The following ZDBF2 variants were observed in gnomAD, a reference collection of about 807,000 sequenced individuals.
ZDBF2 encodes the protein DBF4-type zinc finger-containing protein 2.
In ZDBF2, 6 loss-of-function variants were observed where a neutral mutation model predicts 9.4. The observed-to-expected ratio is 0.64, with a 90% CI of 0.35 to 1.27. The LOEUF is 1.27. Among genes scored for constraint, ZDBF2 ranks in the 50% most tolerant of loss-of-function variants. ZDBF2 has a pLI of 0.03. For synonymous variants in ZDBF2, 905 were observed against 946.3 expected (o/e 0.96, Z 0.80); for missense variants, 2,697 against 2,766.8 (o/e 0.97, Z 0.57).
rs1465585109 is a variant in ZDBF2 at position 206,306,683 on chromosome 2, C to A, written c.2155C>A (p.His719Asn). 1.2e-6 allele frequency: 2 copies of A among 1,613,806 alleles called. No individual in the cohort carries two copies. The highest frequency in any genetic ancestry group is 1.7e-6 in the Non-Finnish European group (2 of 1,179,792). ...TCCGGCTTCTCTTTATCATTCAGCT[C>A]ATGATGAGCCTCAAGAAGCTTTGGA... The part of the protein sequence containing the change: ...DSPASLYHSA[H>N]DEPQEALDEV... Residue 719 changes from histidine to asparagine, a missense_variant, in exon 5 of 5, where the codon CAT becomes AAT. This residue lies in a region of ZDBF2 where 910 missense variants were observed against 973.6 expected (regional missense o/e 0.93). Coordinates refer to ENST00000374423, the MANE Select transcript of ZDBF2 (RefSeq NM_020923.3).
Position 206,308,035 on chromosome 2 carries a change from G to T in ZDBF2, c.3507G>T (p.Gln1169His), listed in dbSNP as rs748749881. Reference sequence around the variant, plus strand: ...ATTTGGATTCTGGTTTCTTGGGTCAGTCAATAGTCAATCGACCTCAAATAA... The same window carrying T: ...ATTTGGATTCTGGTTTCTTGGGTCATTCAATAGTCAATCGACCTCAAATAA... Reference protein sequence around the residue: ...EMNLDSGFLGQSIVNRPQITI... With the variant: ...EMNLDSGFLGHSIVNRPQITI... Residue 1169 changes from glutamine to histidine, a missense_variant, in exon 5 of 5, where the codon CAG becomes CAT. Coordinates refer to ENST00000374423, the MANE Select transcript of ZDBF2 (RefSeq NM_020923.3). 3.1e-6 allele frequency: 5 copies of T among 1,613,944 alleles called. No homozygotes were observed. In the South Asian group the frequency reaches 5.5e-5, roughly 18 times the overall value.
intron 4 of ZDBF2, among the ~76,000 whole-genome samples, chr2:206,300,103 T>G (rs1041678396): frequency 1.3e-5 from 2 of 152,082 alleles, no homozygotes; most frequent in African/African-American, 4.8e-5. Context: ...GAGCGAAACT[T>G]GGTCTCAAAA....
In ZDBF2 at chr2:206,309,057, T is replaced by C; in HGVS notation, c.4529T>C (p.Val1510Ala). 1.2e-6 allele frequency: 2 copies of C among 1,613,908 alleles called. No homozygotes were observed. The highest frequency in any genetic ancestry group is 1.7e-6 in the Non-Finnish European group (2 of 1,179,870). ...YDSDVPFQIV[V>A]NQFPGSVKET... The stretch of plus-strand genomic sequence containing the variant: ...TCTGATGTTCCTTTTCAAATAGTAG[T>C]TAACCAATTTCCAGGATCAGTCAAA... The change falls in exon 5 of 5, where the codon GTT (valine) becomes GCT (alanine). Residue 1510 changes from valine to alanine, a missense_variant. Physicochemically the swap from Val to Ala is moderately conservative, Grantham distance 64. Coordinates refer to ENST00000374423, the MANE Select transcript of ZDBF2 (RefSeq NM_020923.3).
rs762725458 is a variant in ZDBF2 at position 206,311,505 on chromosome 2, A to G, written c.6977A>G (p.Tyr2326Cys). 2.5e-6 allele frequency: 4 copies of G among 1,587,076 alleles called. No homozygotes were observed. In the African/African-American group the frequency reaches 4.1e-5, roughly 16 times the overall value. Reference protein sequence around the residue: ...QKGPSTPVRAYDLRSSSCLQQ... With the variant: ...QKGPSTPVRACDLRSSSCLQQ... The stretch of plus-strand genomic sequence containing the variant: ...GGTCCTTCTACACCTGTGAGAGCAT[A>G]TGATCTGAGAAGCTCATCTTGTTTA... Residue 2326 changes from tyrosine to cysteine, a missense_variant, in exon 5 of 5, where the codon TAT (tyrosine) becomes TGT (cysteine). By Grantham distance (194) the Tyr-to-Cys change is radical. Around this residue, in one of 3 missense-constraint regions of ZDBF2, gnomAD observed 1,783 missense variants for 1,776.5 expected, o/e 1.00. Coordinates refer to ENST00000374423, the MANE Select transcript of ZDBF2 (RefSeq NM_020923.3).
chr2:206,288,382 T>C (rs1399072437), intron 3 of ZDBF2, among the ~76,000 whole-genome samples: 1 of 152,186 alleles, frequency 6.6e-6, no homozygotes, highest in East Asian at 1.9e-4. Context: ...CTGTAGAAGT[T>C]TGTGGCAGTG....
intron 1 of ZDBF2, among the ~76,000 whole-genome samples, chr2:206,277,961 C>G (rs959380950): frequency 5.9e-5 from 9 of 152,124 alleles, no homozygotes; most frequent in African/African-American, 2.2e-4. Flanking sequence ...ACTATGCAAT[C>G]ATTAAACATT....
intron 4 of ZDBF2, among the ~76,000 whole-genome samples, chr2:206,298,079 T>C (rs1489042735): frequency 6.6e-6 from 1 of 152,228 alleles, no homozygotes; most frequent in Non-Finnish European, 1.5e-5. Context: ...AATAGAACTC[T>C]TTGCTAATTC....
In ZDBF2 at chr2:206,310,730, G is replaced by GT. The variant is rs1261329326; in HGVS notation, c.6203dup (p.Ile2069AsnfsTer6). 1 of 1,613,732 alleles carries GT rather than the reference G, an allele frequency of 6.2e-7. No homozygotes were observed. The highest frequency in any genetic ancestry group is 8.5e-7 in the Non-Finnish European group (1 of 1,179,886). ...AATTGTAATTAGTCCTCCCCTGAGT[G>GT]TAATAGTACCAGAGTTTGAGAGGCG... On this transcript the variant is annotated frameshift_variant, in exon 5 of 5. Coordinates refer to ENST00000374423, the MANE Select transcript of ZDBF2 (RefSeq NM_020923.3). LOFTEE classifies it low-confidence loss of function (END_TRUNC).
At position 206,297,288 on chromosome 2, in the gene ZDBF2, A is replaced by G. The variant is rs1421071315; in HGVS notation, c.103A>G (p.Arg35Gly). The change falls in exon 4 of 5, where the codon AGA (arginine) becomes GGA (glycine). Residue 35 changes from arginine to glycine, a missense_variant. By Grantham distance (125) the Arg-to-Gly change is moderately radical. Coordinates refer to ENST00000374423, the MANE Select transcript of ZDBF2 (RefSeq NM_020923.3). The part of the protein sequence containing the change: ...AQHRSLTRQS[R>G]RQICTSSLME... ...GCACAGGAGTTTGACCAGACAGAGT[A>G]GACGTCAAATATGTACCAGTAGTTT... The G allele has an allele frequency of 1.9e-6, 3 of 1,576,322 alleles. No individual in the cohort carries two copies. Among genetic ancestry groups the G allele is most frequent in the African/African-American group, 1.3e-5 (1 of 74,132 alleles).
Position 206,306,350 on chromosome 2 carries a change from A to G in ZDBF2, c.1822A>G (p.Arg608Gly), listed in dbSNP as rs1291561285. 6.2e-7 allele frequency: 1 copy of G among 1,613,800 alleles called. No homozygotes were observed. The highest frequency in any genetic ancestry group is 8.5e-7 in the Non-Finnish European group (1 of 1,179,822). Residue 608 changes from arginine (R) to glycine (G), a missense_variant, in exon 5 of 5, where the codon AGA becomes GGA. Arg to Gly is a moderately radical substitution (Grantham distance 125). Transcript: ENST00000374423. The stretch of plus-strand genomic sequence containing the variant: ...TGTCAAAGGAAGAAACCTGAAAGGT[A>G]GACAAGTCCACCTAAAACATAAGAA... ...LTVKGRNLKG[R>G]QVHLKHKKRK...
intron 3 of ZDBF2, among the ~76,000 whole-genome samples, chr2:206,293,837 G>A (rs1692027093): frequency 6.6e-6 from 1 of 152,094 alleles, no homozygotes. Flanking sequence ...TGGTCGGTAG[G>A]GAGTACTAAA....
In ZDBF2 at chr2:206,308,938, A is replaced by T. The variant is rs768330818; in HGVS notation, c.4410A>T (p.Gln1470His). Residue 1470 changes from glutamine to histidine, a missense_variant, in exon 5 of 5, where the codon CAA becomes CAT. Gln to His is a conservative substitution (Grantham distance 24). This residue lies in a region of ZDBF2 where 1,783 missense variants were observed against 1,776.5 expected (regional missense o/e 1.00). Coordinates refer to ENST00000374423, the MANE Select transcript of ZDBF2 (RefSeq NM_020923.3). ...VHLQSEVDQP[Q>H]VSYKEADLQK... is the part of the protein sequence containing the mutation. Reference sequence around the variant, plus strand: ...TTCAGTCAGAAGTTGACCAACCTCAAGTGTCTTACAAAGAGGCAGACCTTC... The same window carrying T: ...TTCAGTCAGAAGTTGACCAACCTCATGTGTCTTACAAAGAGGCAGACCTTC... 6.2e-7 allele frequency: 1 copy of T among 1,613,484 alleles called. No homozygotes were observed.
chr2:206,314,032 T>C lies in ZDBF2; in HGVS notation c.*2439T>C, dbSNP rs1419413650. On this transcript the variant is annotated 3_prime_UTR_variant, in exon 5 of 5. Transcript: ENST00000374423. The stretch of plus-strand genomic sequence containing the variant: ...ATAAATGTTGGCTTAATTTGCAGAA[T>C]AGATAAAACAATTGATGTTTTTGTG... 1 of 152,182 alleles carries C rather than the reference T, an allele frequency of 6.6e-6. No homozygotes were observed. The highest frequency in any genetic ancestry group is 1.9e-4 in the East Asian group (1 of 5,198). 9.4% of individuals were successfully genotyped at this position (152,182 alleles called of 1,614,324 possible).
At chr2:206,289,026 C>A (rs1691747917) in intron 3 of ZDBF2, among the ~76,000 whole-genome samples, 2 of 152,142 alleles carry the variant, frequency 1.3e-5, no homozygotes. Flanking sequence ...GCAGCTCAGA[C>A]TCTAGGGGTC....
At chr2:206,282,899 G>A (rs777206913) in intron 3 of ZDBF2, among the ~76,000 whole-genome samples, 9 of 152,136 alleles carry the variant, frequency 5.9e-5, no homozygotes, top group Non-Finnish European at 8.8e-5. Context: ...CCTGGCAACC[G>A]CTAGTGTATT....
chr2:206,283,201 G>A (rs189897820), intron 3 of ZDBF2, among the ~76,000 whole-genome samples: 64 of 152,284 alleles, frequency 4.2e-4, no homozygotes, highest in African/African-American at 1.4e-3. Flanking sequence ...TTGTGTGGAC[G>A]TATGCTTTCA....
rs1463430310 is a variant in ZDBF2 at position 206,309,135 on chromosome 2, A to T, written c.4607A>T (p.Asp1536Val). 5 of 1,613,242 alleles carry T rather than the reference A, an allele frequency of 3.1e-6. No individual in the cohort carries two copies. The African/African-American group carries it at 6.7e-5, about 22-fold the overall frequency. ...VLVDLVPGDS[D>V]YEVISDDIPL... ...GTGGATCTGGTGCCCGGTGATAGTGATTATGAAGTAATTTCAGATGATATT... is the reference window on the plus strand; with the variant it reads ...GTGGATCTGGTGCCCGGTGATAGTGTTTATGAAGTAATTTCAGATGATATT... The change falls in exon 5 of 5, where the codon GAT (aspartate) becomes GTT (valine). Residue 1536 changes from aspartate to valine, a missense_variant. Physicochemically the swap from Asp to Val is radical, Grantham distance 152. Coordinates refer to ENST00000374423, the MANE Select transcript of ZDBF2 (RefSeq NM_020923.3).
rs2105899495 is a variant in ZDBF2, at chr2:206,281,836, G to A, written c.-14G>A. On this transcript the variant is annotated 5_prime_UTR_variant, in exon 3 of 5. Transcript: ENST00000374423. The stretch of plus-strand genomic sequence containing the variant: ...CAAAGACAGTAGCCATCTGACTTCA[G>A]TTATTTATTCAAGATGCAGAAAAGA... 1.2e-6 allele frequency: 2 copies of A among 1,611,740 alleles called. No individual in the cohort carries two copies. The highest frequency in any genetic ancestry group is 2.2e-5 in the East Asian group (1 of 44,782).
intron 3 of ZDBF2, among the ~76,000 whole-genome samples, chr2:206,290,613 A>T (rs1194297299): frequency 1.3e-5 from 2 of 152,212 alleles, no homozygotes; most frequent in Non-Finnish European, 2.9e-5. Context: ...ATGCTATTGT[A>T]AATGGAATTG....
Sources: allele counts gnomAD v4.1 joint callset (sites outside exome capture counted in the v4.1 genomes callset), GRCh38; gene constraint gnomAD v4.1.1; regional missense constraint gnomAD v4.1.1; transcripts MANE v1.5; gene names NCBI Gene and HGNC (gene_info 2026-07-23, HGNC 2026-07-21).